Variants in UHRF1 observed in about 807,000 individuals in gnomAD.
The protein encoded by UHRF1 is ubiquitin like with PHD and ring finger domains 1, also known as E3 ubiquitin-protein ligase UHRF1.
A neutral mutation model predicts 96.5 loss-of-function variants in UHRF1; 9 were observed. The observed-to-expected ratio is 0.09, with a 90% CI of 0.06 to 0.16. UHRF1 has a LOEUF of 0.16. UHRF1 is among the 10% of genes least tolerant of loss of function. The pLI, the probability that UHRF1 is intolerant of heterozygous loss-of-function variation, is 1.00. For synonymous variants in UHRF1, 455 were observed against 469.9 expected, an observed-to-expected ratio of 0.97 and a Z score of 0.41; for missense variants, 626 against 1,131.1, an observed-to-expected ratio of 0.55 and a Z score of 6.40.
intron 11 of UHRF1, among the ~76,000 whole-genome samples, chr19:4,949,582 A>T (rs747155955): frequency 6.6e-6 from 1 of 152,034 alleles, no homozygotes; most frequent in Non-Finnish European, 1.5e-5. Context: ...TCGTTCCAGT[A>T]CTTTGGGAGG....
Position 4,930,910 on chromosome 19 carries a change from C to T in UHRF1, c.569+34C>T, listed in dbSNP as rs2146331825. The T allele has an allele frequency of 2.5e-6, 4 of 1,611,318 alleles. No homozygotes were observed. The highest frequency in any genetic ancestry group is 2.2e-5 in the South Asian group (2 of 90,852). On this transcript the variant is annotated intron_variant, in intron 4 of 16. Coordinates refer to ENST00000650932, the MANE Select transcript of UHRF1 (RefSeq NM_001048201.3). The surrounding 1 kb of genome is among the most constrained non-coding windows in gnomAD (Gnocchi z 4.4). Reference sequence around the variant, plus strand: ...TGGCAGGTGGGCGGGCCTGGGTATTCAGGCTCTGTGACGCGCATCCTTGGC... The same window carrying T: ...TGGCAGGTGGGCGGGCCTGGGTATTTAGGCTCTGTGACGCGCATCCTTGGC...
At chr19:4,929,622 C>A in intron 3 of UHRF1, 146 bp downstream of exon 3, 1 of 1,181,736 alleles carries the variant, frequency 8.5e-7, no homozygotes, top group East Asian at 2.6e-5. Context: ...GTTTCCTGCA[C>A]GTTCCTTGAG....
At position 4,948,673 on chromosome 19, in the gene UHRF1, G is replaced by T. The variant is rs187970403; in HGVS notation, c.1517+1462G>T. 2.5e-3 allele frequency among the ~76,000 whole-genome samples: 384 copies of T among 152,120 alleles called. 4 individuals carry two copies. Among genetic ancestry groups the T allele is most frequent in the African/African-American group, 8.9e-3 (369 of 41,500 alleles). ...AAAAATTAGCTGGGTGTGGTGGCAG[G>T]CACCTGTAATCCCAGCTACTTGGGA... is the stretch of plus-strand genomic sequence containing the variant. On this transcript the variant is annotated intron_variant, in intron 11 of 16. Transcript: ENST00000650932.
At chr19:4,933,048 T>A (rs1413659854) in intron 5 of UHRF1, 92 bp downstream of exon 5, 1 of 1,378,826 alleles carries the variant, frequency 7.3e-7, no homozygotes, top group African/African-American at 1.4e-5. Context: ...CAGCCAGCGC[T>A]GTGTGTGCGA....
chr19:4,954,803 G>C lies in UHRF1; in HGVS notation c.2111G>C (p.Arg704Pro). The change falls in exon 15 of 17, where the codon CGG becomes CCG. Residue 704 changes from arginine to proline, a missense_variant. This residue lies in a region of UHRF1 where 84 missense variants were observed against 150.3 expected (regional missense o/e 0.56). Transcript: ENST00000650932. This position sits in a 1 kb window ranked among gnomAD's most constrained non-coding sequence, Gnocchi z 5.9. ...WNEVLASLKD[R>P]PASGSPFQLF... Reference sequence around the variant, plus strand: ...GAGGTCCTGGCGTCACTCAAGGACCGGCCGGCGAGCGGCAGCCCGGTAGGC... The same window carrying C: ...GAGGTCCTGGCGTCACTCAAGGACCCGCCGGCGAGCGGCAGCCCGGTAGGC... The C allele has an allele frequency of 6.2e-7, 1 of 1,613,674 alleles. No individual in the cohort carries two copies. The highest frequency in any genetic ancestry group is 1.7e-5 in the Admixed American group (1 of 59,966).
intron 7 of UHRF1, among the ~76,000 whole-genome samples, chr19:4,943,370 G>T (rs535685476): frequency 6.6e-6 from 1 of 152,248 alleles, no homozygotes; most frequent in South Asian, 2.1e-4. Flanking sequence ...CGTAGCCACT[G>T]TGTTCCTGGC....
intron 1 of UHRF1, 59 bp downstream of exon 1, chr19:4,909,714 C>T (rs2032173960): frequency 6.1e-6 from 3 of 495,014 alleles, no homozygotes; most frequent in Admixed American, 8.7e-5. Context: ...GGCTCGGGAA[C>T]TTTGCAAAAC....
chr19:4,947,303 T>G, intron 11 of UHRF1, 92 bp downstream of exon 11: 1 of 1,154,116 alleles, frequency 8.7e-7, no homozygotes, highest in Non-Finnish European at 1.3e-6. Context: ...AGTGATAGTC[T>G]CATTAGGAGC....
rs923334286 is a variant in UHRF1 at position 4,932,730 on chromosome 19, T to G, written c.570-11T>G. The stretch of plus-strand genomic sequence containing the variant: ...TTAGCACGGGGTCTAAGGCCCGGGC[T>G]TTCCTCCCAGCTACCCGGAGAACGG... On this transcript the variant is annotated splice_polypyrimidine_tract_variant and intron_variant, in intron 4 of 16. Coordinates refer to ENST00000650932, the MANE Select transcript of UHRF1 (RefSeq NM_001048201.3). 4 of 1,613,078 alleles carry G rather than the reference T, an allele frequency of 2.5e-6. No individual in the cohort carries two copies. The highest frequency in any genetic ancestry group is 3.4e-6 in the Non-Finnish European group (4 of 1,179,464).
At chr19:4,931,874 C>T (rs2033063524) in intron 4 of UHRF1, among the ~76,000 whole-genome samples, 1 of 152,224 alleles carries the variant, frequency 6.6e-6, no homozygotes, top group African/African-American at 2.4e-5. Flanking sequence ...GATTCTCCTG[C>T]CTCAGCCTCC....
rs1310615483 is a variant in UHRF1 at position 4,954,014 on chromosome 19, A to G, written c.1819-336A>G. Among the ~76,000 whole-genome samples, 1 of 152,128 alleles carries G rather than the reference A, an allele frequency of 6.6e-6. No individual in the cohort carries two copies. The highest frequency in any genetic ancestry group is 2.4e-5 in the African/African-American group (1 of 41,434). ...TCCCTGTGGGACGATGCAATGTTTCATCATGCAGTGTGCGTGATGTGAGGT... is the reference window on the plus strand; with the variant it reads ...TCCCTGTGGGACGATGCAATGTTTCGTCATGCAGTGTGCGTGATGTGAGGT... On this transcript the variant is annotated intron_variant, in intron 13 of 16. Transcript: ENST00000650932. This position sits in a 1 kb window ranked among gnomAD's most constrained non-coding sequence, Gnocchi z 5.9.
intron 10 of UHRF1, among the ~76,000 whole-genome samples, chr19:4,946,410 TTGATC>T (rs1393677261): frequency 1.3e-5 from 2 of 152,198 alleles, no homozygotes; most frequent in African/African-American, 2.4e-5. Flanking sequence ...CCATGCTGTG[TTGATC>T]TGTCTGTCCG....
At chr19:4,926,636 T>G (rs528390987) in intron 2 of UHRF1, among the ~76,000 whole-genome samples, 1 of 152,202 alleles carries the variant, frequency 6.6e-6, no homozygotes, top group Non-Finnish European at 1.5e-5. Context: ...ATGGGTGATG[T>G]GTGCCTGTGG....
In UHRF1 at chr19:4,956,795, C is replaced by T. The variant is rs2033867932; in HGVS notation, c.2217C>T (p.Cys739=). 1 of 1,608,334 alleles carries T rather than the reference C, an allele frequency of 6.2e-7. No homozygotes were observed. The highest frequency in any genetic ancestry group is 2.2e-5 in the East Asian group (1 of 44,708). The change falls in exon 16 of 17, where the codon TGC becomes TGT. Residue 739 remains cysteine (C), a synonymous_variant. Transcript: ENST00000650932. ...ELVFRPITTV[C]QHNVCKDCLD... ...TGTTCCGGCCCATCACGACCGTGTGCCAGCACAACGTGTGCAAGGTGAGTA... is the reference window on the plus strand; with the variant it reads ...TGTTCCGGCCCATCACGACCGTGTGTCAGCACAACGTGTGCAAGGTGAGTA...
At chr19:4,929,548 G>T in intron 3 of UHRF1, 72 bp downstream of exon 3, 1 of 1,546,834 alleles carries the variant, frequency 6.5e-7, no homozygotes, top group Admixed American at 1.9e-5. Flanking sequence ...CATACCCAGG[G>T]CTCACAGGAG....
chr19:4,956,838 C>T lies in UHRF1; in HGVS notation c.2235+25C>T, dbSNP rs769395193. 40 of 1,542,546 alleles carry T rather than the reference C, an allele frequency of 2.6e-5. No homozygotes were observed. In the Middle Eastern group the frequency reaches 5.0e-4, roughly 19 times the overall value. On this transcript the variant is annotated intron_variant, in intron 16 of 16. Coordinates refer to ENST00000650932, the MANE Select transcript of UHRF1 (RefSeq NM_001048201.3). Reference sequence around the variant, plus strand: ...GGTGAGTAGAGATGGCCGCGGGAGCCGGGTGGAAGGTTCTGGAAGGATGAC... The same window carrying T: ...GGTGAGTAGAGATGGCCGCGGGAGCTGGGTGGAAGGTTCTGGAAGGATGAC...
intron 3 of UHRF1, 30 bp downstream of exon 3, chr19:4,929,506 G>C: frequency 6.3e-7 from 1 of 1,593,014 alleles, no homozygotes; most frequent in Non-Finnish European, 8.6e-7. Flanking sequence ...CTGCTCTGGG[G>C]TTGGACGTTC....
At chr19:4,904,013 G>A (rs1461434865) in intron 1 of UHRF1, among the ~76,000 whole-genome samples, 2 of 151,730 alleles carry the variant, frequency 1.3e-5, no homozygotes, top group African/African-American at 2.4e-5. Flanking sequence ...ATCTCACTCT[G>A]TTGCCCAGGC....
At chr19:4,957,906 C>G (rs989172491) in intron 16 of UHRF1, among the ~76,000 whole-genome samples, 1 of 152,184 alleles carries the variant, frequency 6.6e-6, no homozygotes, top group Non-Finnish European at 1.5e-5. Flanking sequence ...AGCCGGCAGT[C>G]CCGGTGGACA....
Sources: gnomAD v4.1 joint callset for allele counts (sites outside exome capture counted in the v4.1 genomes callset) on GRCh38, gnomAD v4.1.1 for gene constraint, gnomAD v4.1.1 regional missense constraint, Gnocchi (gnomAD v3.1) non-coding constraint, MANE v1.5 for transcripts, NCBI Gene and HGNC (gene_info 2026-07-23, HGNC 2026-07-21) for gene names.